Variants in SKI observed in about 807,000 individuals in gnomAD.
The protein encoded by SKI is SKI proto-oncogene, also known as ski oncogene.
In SKI, 23 loss-of-function variants were observed where a neutral mutation model predicts 59.3. The ratio of observed to expected loss-of-function variants is 0.39; its 90% CI spans 0.28 to 0.55. The LOEUF (loss-of-function observed/expected upper bound fraction) is 0.55. Among genes scored for constraint, SKI ranks in the 20% least tolerant of loss-of-function variants. The pLI, the probability that SKI is intolerant of heterozygous loss-of-function variation, is 0.67. For missense variants in SKI, 1,017 were observed against 1,038.9 expected (o/e 0.98, Z 0.29); for synonymous variants, 673 against 488.6 (o/e 1.38, Z -4.98).
rs1239990628 is a variant in SKI at position 2,304,366 on chromosome 1, G to A, written c.1548G>A (p.Pro516=). Residue 516 remains proline, a synonymous_variant, in exon 5 of 7, where the codon CCG becomes CCA. Transcript: ENST00000378536. ...SSSSAKDLGS[P]GARALPSAVP... is the part of the protein sequence containing the mutation. The stretch of plus-strand genomic sequence containing the variant: ...GCTCCGCCAAGGACCTGGGCTCCCC[G>A]GGTGCGCGTGCCCTGCCCTCGGCCG... 10 of 1,551,750 alleles carry A rather than the reference G, an allele frequency of 6.4e-6. No individual in the cohort carries two copies. Among genetic ancestry groups the A allele is most frequent in the African/African-American group, 4.1e-5 (3 of 73,154 alleles).
chr1:2,290,704 C>G (rs1054313389), intron 1 of SKI, among the ~76,000 whole-genome samples: 2 of 152,218 alleles, frequency 1.3e-5, no homozygotes, highest in Non-Finnish European at 2.9e-5. Flanking sequence ...TGAGATACTT[C>G]ACTGGTCTGA....
At chr1:2,255,925 C>A (rs750624709) in intron 1 of SKI, among the ~76,000 whole-genome samples, 1 of 150,068 alleles carries the variant, frequency 6.7e-6, no homozygotes, top group African/African-American at 2.5e-5. Flanking sequence ...CCAGTGACCT[C>A]ATTTCCTGTC....
intron 1 of SKI, among the ~76,000 whole-genome samples, chr1:2,264,623 A>G (rs1639460065): frequency 6.6e-6 from 1 of 151,694 alleles, no homozygotes; most frequent in African/African-American, 2.4e-5. Flanking sequence ...CCTGGTCTTG[A>G]ACTTGGACTC....
intron 1 of SKI, among the ~76,000 whole-genome samples, chr1:2,238,840 T>A (rs1638805545): frequency 6.6e-6 from 1 of 152,222 alleles, no homozygotes; most frequent in South Asian, 2.1e-4. Context: ...TTCCGTGTGC[T>A]TGCACTGAAG....
intron 1 of SKI, among the ~76,000 whole-genome samples, chr1:2,261,837 C>CA (rs1201369307): frequency 6.7e-6 from 1 of 150,358 alleles, no homozygotes; most frequent in East Asian, 2.0e-4. Flanking sequence ...GGCGTGGAAT[C>CA]AGAGTTTGGA....
At position 2,228,706 on chromosome 1, in the gene SKI, C is replaced by CA; in HGVS notation, c.-61_-60insA. ...GCCGCCGGGGCGCGCGGGGCGGCGG[C>CA]GGGGGCCGGGGGGGCCCGGGCGCGC... On this transcript the variant is annotated 5_prime_UTR_variant, in exon 1 of 7. Coordinates refer to ENST00000378536, the MANE Select transcript of SKI (RefSeq NM_003036.4). The CA allele has an allele frequency of 1.0e-6, 1 of 960,280 alleles. No individual in the cohort carries two copies. The highest frequency in any genetic ancestry group is 1.2e-6 in the Non-Finnish European group (1 of 810,946). 59.5% of individuals were successfully genotyped at this position (960,280 alleles called of 1,614,324 possible).
intron 1 of SKI, among the ~76,000 whole-genome samples, chr1:2,300,378 G>A (rs1374651183): frequency 2.6e-5 from 4 of 151,742 alleles, no homozygotes; most frequent in African/African-American, 4.8e-5. Flanking sequence ...GGCTCCAAGG[G>A]CGGGTTTTGA....
intron 1 of SKI, chr1:2,232,632 T>G (rs1638663878): frequency 6.6e-6 from 1 of 152,312 alleles, no homozygotes. Flanking sequence ...TTCCTGCTGC[T>G]GTATCTTGGA....
rs1640496847 is a variant in SKI at position 2,304,018 on chromosome 1, G to C, written c.1390G>C (p.Ala464Pro). ...KRKLTVDTPG[A>P]PETLAPVAAP... Reference sequence around the variant, plus strand: ...GAAGCTGACTGTGGACACCCCAGGAGCCCCAGAGACGCTGGCGCCCGTGGC... The same window carrying C: ...GAAGCTGACTGTGGACACCCCAGGACCCCCAGAGACGCTGGCGCCCGTGGC... Residue 464 changes from alanine to proline, a missense_variant, in exon 4 of 7, where the codon GCC becomes CCC. Coordinates refer to ENST00000378536, the MANE Select transcript of SKI (RefSeq NM_003036.4). 1 of 1,612,450 alleles carries C rather than the reference G, an allele frequency of 6.2e-7. No homozygotes were observed. Among genetic ancestry groups the C allele is most frequent in the African/African-American group, 1.3e-5 (1 of 74,936 alleles).
chr1:2,244,311 C>T (rs1246573059), intron 1 of SKI, among the ~76,000 whole-genome samples: 1 of 150,860 alleles, frequency 6.6e-6, no homozygotes, highest in East Asian at 2.0e-4. Flanking sequence ...GGCATGGTGG[C>T]TCACACCTGT....
chr1:2,235,430 C>T (rs2100800363), intron 1 of SKI, among the ~76,000 whole-genome samples: 1 of 152,340 alleles, frequency 6.6e-6, no homozygotes, highest in East Asian at 1.9e-4. Context: ...TCTCTCGAGG[C>T]CTGGTTGCCC....
chr1:2,239,682 G>A (rs1638824698), intron 1 of SKI, among the ~76,000 whole-genome samples: 1 of 152,256 alleles, frequency 6.6e-6, no homozygotes, highest in South Asian at 2.1e-4. Flanking sequence ...GGGCCTTGGG[G>A]TTCACAGTTC....
At chr1:2,305,579 A>AG (rs1323652574) in intron 5 of SKI, among the ~76,000 whole-genome samples, 1 of 151,564 alleles carries the variant, frequency 6.6e-6, no homozygotes, top group African/African-American at 2.4e-5. Flanking sequence ...TAATGGGGAG[A>AG]GTGGGGGGGC....
chr1:2,239,291 G>A (rs532740483), intron 1 of SKI, among the ~76,000 whole-genome samples: 3 of 152,176 alleles, frequency 2.0e-5, no homozygotes, highest in Non-Finnish European at 4.4e-5. Flanking sequence ...GCGGTGAGTG[G>A]CGCCCAGCTT....
At chr1:2,283,704 G>A (rs1396080457) in intron 1 of SKI, among the ~76,000 whole-genome samples, 2 of 152,230 alleles carry the variant, frequency 1.3e-5, no homozygotes, top group African/African-American at 4.8e-5. Flanking sequence ...GGGTGCTGGG[G>A]TGCAGCCCTG....
chr1:2,230,753 C>T (rs1638617482), intron 1 of SKI, among the ~76,000 whole-genome samples: 1 of 152,190 alleles, frequency 6.6e-6, no homozygotes, highest in African/African-American at 2.4e-5. Context: ...AAATTGCACA[C>T]ACAGAATGCT....
chr1:2,278,550 A>G (rs1221812801), intron 1 of SKI, among the ~76,000 whole-genome samples: 1 of 151,966 alleles, frequency 6.6e-6, no homozygotes, highest in Non-Finnish European at 1.5e-5. Context: ...TGTCCTGCCC[A>G]TTGCTAAAGG....
At chr1:2,292,273 T>G (rs1414088530) in intron 1 of SKI, among the ~76,000 whole-genome samples, 1 of 152,138 alleles carries the variant, frequency 6.6e-6, no homozygotes, top group Non-Finnish European at 1.5e-5. Flanking sequence ...ACCTTGGGCT[T>G]TTGGGGTTCG....
At chr1:2,296,238 A>G (rs527308547) in intron 1 of SKI, among the ~76,000 whole-genome samples, 1 of 151,816 alleles carries the variant, frequency 6.6e-6, no homozygotes, top group Non-Finnish European at 1.5e-5. Flanking sequence ...AAAAAAAAAA[A>G]CAAAAAATTA....
Sources: allele counts gnomAD v4.1 joint callset (sites outside exome capture counted in the v4.1 genomes callset), GRCh38; gene constraint gnomAD v4.1.1; transcripts MANE v1.5; gene names NCBI Gene and HGNC (gene_info 2026-07-23, HGNC 2026-07-21).